The following SHISA9 variants were observed in gnomAD, a reference collection of about 807,000 sequenced individuals.
SHISA9 encodes the protein protein shisa-9.
A neutral mutation model predicts 38.0 loss-of-function variants in SHISA9; 13 were observed. That is an observed-to-expected ratio of 0.34 (90% confidence interval 0.22 to 0.54). The LOEUF is 0.54. SHISA9 is among the 20% of genes least tolerant of loss of function. The probability of loss-of-function intolerance (pLI) is 0.91; values close to 1 mark genes in which losing one functional copy is unlikely to be tolerated. For synonymous variants in SHISA9, 275 were observed against 242.0 expected, an observed-to-expected ratio of 1.14 and a Z score of -1.27; for missense variants, 538 against 575.8, an observed-to-expected ratio of 0.93 and a Z score of 0.67.
chr16:13,210,870 T>G (rs1399828805), intron 3 of SHISA9, among the ~76,000 whole-genome samples: 1 of 152,230 alleles, frequency 6.6e-6, no homozygotes, highest in East Asian at 1.9e-4. Context: ...CATGAAACTA[T>G]GCTGTCTTCT....
chr16:12,989,680 T>A (rs563469708), intron 2 of SHISA9, among the ~76,000 whole-genome samples: 6 of 152,264 alleles, frequency 3.9e-5, no homozygotes, highest in African/African-American at 1.2e-4. Context: ...TTATTATGAT[T>A]AGGTTTCCGT....
At chr16:13,451,366 G>A in the SHISA9 span, among the ~76,000 whole-genome samples, 1 of 152,152 alleles carries the variant, frequency 6.6e-6, no homozygotes, top group African/African-American at 2.4e-5. Flanking sequence ...GCACAGATAA[G>A]CACACACATC....
intron 2 of SHISA9, among the ~76,000 whole-genome samples, chr16:12,936,894 C>A (rs577300936): frequency 6.6e-6 from 1 of 152,260 alleles, no homozygotes; most frequent in African/African-American, 2.4e-5. Flanking sequence ...CGGAATCCAA[C>A]CATTGACACC....
chr16:13,448,349 A>T, the SHISA9 span, among the ~76,000 whole-genome samples: 1 of 152,168 alleles, frequency 6.6e-6, no homozygotes, highest in Admixed American at 6.5e-5. Flanking sequence ...ATCGAGTCTG[A>T]CCTAAGCACT....
At chr16:13,399,145 C>G in the SHISA9 span, among the ~76,000 whole-genome samples, 1 of 151,884 alleles carries the variant, frequency 6.6e-6, no homozygotes, top group Non-Finnish European at 1.5e-5. Context: ...GTCCCAGCTA[C>G]TTGGGACACT....
chr16:13,293,053 T>C, the SHISA9 span, among the ~76,000 whole-genome samples: 2 of 152,114 alleles, frequency 1.3e-5, no homozygotes, highest in South Asian at 4.1e-4. Flanking sequence ...AACTGCTGTT[T>C]CTCTTGGCTA....
At chr16:13,061,692 G>C (rs1452566955) in intron 2 of SHISA9, among the ~76,000 whole-genome samples, 2 of 152,124 alleles carry the variant, frequency 1.3e-5, no homozygotes, top group African/African-American at 4.8e-5. Flanking sequence ...ATTCATTACA[G>C]GAAGCAACCC....
intron 1 of SHISA9, chr16:12,909,784 C>T (rs1170494900): frequency 6.0e-6 from 1 of 165,908 alleles, no homozygotes; most frequent in African/African-American, 2.4e-5. Flanking sequence ...TGCTAGTTTA[C>T]TGGTTTACTA....
chr16:13,234,880 G>C, intron 4 of SHISA9, 150 bp from the exon 5 acceptor site: 1 of 877,666 alleles, frequency 1.1e-6, no homozygotes, highest in South Asian at 1.9e-5. Context: ...TCTTGTTCTA[G>C]GTGGAGTTTC....
the SHISA9 span, among the ~76,000 whole-genome samples, chr16:13,493,976 G>A: frequency 6.6e-6 from 1 of 151,954 alleles, no homozygotes; most frequent in Admixed American, 6.6e-5. Flanking sequence ...CTGGTCTGGA[G>A]ATTCTGATGG....
intron 1 of SHISA9, among the ~76,000 whole-genome samples, chr16:12,903,952 TC>T (rs1010536653): frequency 2.1e-4 from 31 of 150,868 alleles, no homozygotes; most frequent in Admixed American, 7.3e-4. Context: ...TTTTTTTTTT[TC>T]CCCCAGAGAG....
intron 4 of SHISA9, among the ~76,000 whole-genome samples, chr16:13,232,180 G>C (rs563558592): frequency 6.6e-6 from 1 of 152,192 alleles, no homozygotes; most frequent in Admixed American, 6.5e-5. Flanking sequence ...AGATCCCAAC[G>C]TGTGGATAAA....
chr16:13,174,958 G>A (rs938848970), intron 2 of SHISA9, among the ~76,000 whole-genome samples: 3 of 152,152 alleles, frequency 2.0e-5, no homozygotes, highest in African/African-American at 4.8e-5. Context: ...CTGGGTCCTC[G>A]TCCTCAGCAC....
At chr16:13,340,667 C>T in the SHISA9 span, among the ~76,000 whole-genome samples, 1 of 152,206 alleles carries the variant, frequency 6.6e-6, no homozygotes, top group African/African-American at 2.4e-5. Context: ...CTGCTTCAAA[C>T]AGCTCTGTGG....
chr16:12,943,324 TGTGTGTGAGAGAGAGAGAGAGAGA>T (rs2071643910), intron 2 of SHISA9, among the ~76,000 whole-genome samples: 6 of 21,082 alleles, frequency 2.8e-4, no homozygotes, highest in African/African-American at 8.9e-4. Context: ...TGTGTGTGTG[TGTGTGTGAGAGAGAGAGAGAGAGA>T]GAGAGAGAGA....
chr16:13,090,293 A>C (rs975233510), intron 2 of SHISA9, among the ~76,000 whole-genome samples: 1 of 152,136 alleles, frequency 6.6e-6, no homozygotes, highest in African/African-American at 2.4e-5. Context: ...TTTGGTGTGG[A>C]GAGTTCTGTA....
Position 13,235,464 on chromosome 16 carries a change from A to T in SHISA9, c.*55A>T. On this transcript the variant is annotated 3_prime_UTR_variant, in exon 5 of 5. Coordinates refer to ENST00000558583, the MANE Select transcript of SHISA9 (RefSeq NM_001145204.3). ...CACACTCAACTGAGAGAGGCAAAAA[A>T]CAACCCCGCCCACACCCTCCCCATC... is the stretch of plus-strand genomic sequence containing the variant. The T allele has an allele frequency of 6.8e-7, 1 of 1,479,770 alleles. No homozygotes were observed. The highest frequency in any genetic ancestry group is 8.9e-7 in the Non-Finnish European group (1 of 1,117,580). 91.7% of individuals were successfully genotyped at this position (1,479,770 alleles called of 1,614,324 possible).
At chr16:13,513,222 G>C in the SHISA9 span, among the ~76,000 whole-genome samples, 1 of 152,262 alleles carries the variant, frequency 6.6e-6, no homozygotes, top group Admixed American at 6.5e-5. Flanking sequence ...CTTCTCAAAA[G>C]AAGACATTTA....
intron 2 of SHISA9, among the ~76,000 whole-genome samples, chr16:13,157,239 C>CA (rs1369095131): frequency 6.6e-6 from 1 of 152,184 alleles, no homozygotes; most frequent in Non-Finnish European, 1.5e-5. Context: ...AGATTTGAAT[C>CA]AACCCTTTCA....
Sources: allele counts gnomAD v4.1 joint callset (sites outside exome capture counted in the v4.1 genomes callset), GRCh38; gene constraint gnomAD v4.1.1; transcripts MANE v1.5; gene names NCBI Gene and HGNC (gene_info 2026-07-23, HGNC 2026-07-21).